Variants in SNX29 observed in about 807,000 individuals in gnomAD.
SNX29 encodes sorting nexin 29, also known as sorting nexin-29.
In SNX29, 78 loss-of-function variants were observed where a neutral mutation model predicts 102.1. The observed-to-expected ratio is 0.76, with a 90% confidence interval of 0.64 to 0.92. SNX29 has a LOEUF of 0.92. Ranked by LOEUF, SNX29 falls within the 40% of genes least tolerant of loss-of-function variation. The pLI, the probability that SNX29 is intolerant of heterozygous loss-of-function variation, is 0.00. For missense variants in SNX29, 1,280 were observed against 1,061.7 expected (o/e 1.21, Z -2.86); for synonymous variants, 580 against 414.5 (o/e 1.40, Z -4.85).
intron 20 of SNX29, among the ~76,000 whole-genome samples, chr16:12,553,947 C>A (rs2078157862): frequency 6.6e-6 from 1 of 152,182 alleles, no homozygotes; most frequent in Non-Finnish European, 1.5e-5. Context: ...CCTGCCTCAG[C>A]CACCCAAGTA....
chr16:12,481,615 A>C (rs960383415), intron 19 of SNX29, among the ~76,000 whole-genome samples: 2 of 150,926 alleles, frequency 1.3e-5, no homozygotes, highest in African/African-American at 4.9e-5. Context: ...CCTCACAGCA[A>C]CCTCCGTCTC....
At chr16:12,560,215 C>G (rs542660181) in intron 20 of SNX29, among the ~76,000 whole-genome samples, 1 of 145,566 alleles carries the variant, frequency 6.9e-6, no homozygotes, top group East Asian at 2.0e-4. Context: ...AGAGCAACTA[C>G]ACAGCCAGAG....
intron 9 of SNX29, among the ~76,000 whole-genome samples, chr16:12,066,879 T>A (rs1029727294): frequency 6.6e-6 from 1 of 151,928 alleles, no homozygotes; most frequent in Admixed American, 6.6e-5. Flanking sequence ...CATTGAGTTT[T>A]ACATGCGTTA....
chr16:12,224,627 A>G (rs924621149), intron 14 of SNX29, among the ~76,000 whole-genome samples: 1 of 152,212 alleles, frequency 6.6e-6, no homozygotes, highest in African/African-American at 2.4e-5. Flanking sequence ...GAGATGGCCA[A>G]AGCTCACTGA....
chr16:12,506,117 C>T (rs1224459896), intron 19 of SNX29, among the ~76,000 whole-genome samples: 1 of 152,176 alleles, frequency 6.6e-6, no homozygotes, highest in African/African-American at 2.4e-5. Context: ...TGTGCCAGCA[C>T]ACCTGGCTAG....
intron 15 of SNX29, among the ~76,000 whole-genome samples, chr16:12,323,587 G>T (rs1337145504): frequency 3.3e-5 from 5 of 151,932 alleles, no homozygotes; most frequent in African/African-American, 1.2e-4. Flanking sequence ...GAAAGACTGA[G>T]AAGGCATGAG....
intron 1 of SNX29, among the ~76,000 whole-genome samples, chr16:11,982,436 T>TG (rs2055441070): frequency 6.7e-6 from 1 of 150,216 alleles, no homozygotes; most frequent in Non-Finnish European, 1.5e-5. Context: ...TTTTTTTTTT[T>TG]TTTTTTGTTT....
At chr16:12,553,499 G>A (rs921356925) in intron 20 of SNX29, among the ~76,000 whole-genome samples, 4 of 152,176 alleles carry the variant, frequency 2.6e-5, no homozygotes, top group African/African-American at 7.2e-5. Context: ...CAGGGCAGGT[G>A]CACACTTGCC....
chr16:12,429,903 C>T (rs2085242658), intron 18 of SNX29, among the ~76,000 whole-genome samples: 1 of 152,180 alleles, frequency 6.6e-6, no homozygotes, highest in South Asian at 2.1e-4. Context: ...TGTTTTCTTG[C>T]TCTCTGACCA....
chr16:12,217,662 C>T (rs1406763182), intron 14 of SNX29, among the ~76,000 whole-genome samples: 1 of 152,088 alleles, frequency 6.6e-6, no homozygotes, highest in African/African-American at 2.4e-5. Flanking sequence ...TGCTTATTTC[C>T]CCTGTAAATC....
intron 18 of SNX29, among the ~76,000 whole-genome samples, chr16:12,415,591 C>A (rs1413567108): frequency 6.6e-6 from 1 of 152,202 alleles, no homozygotes; most frequent in Admixed American, 6.5e-5. Flanking sequence ...CTATGCCAGG[C>A]CCAGCGTCTG....
intron 20 of SNX29, among the ~76,000 whole-genome samples, chr16:12,565,247 A>T (rs954157672): frequency 3.3e-5 from 5 of 152,194 alleles, no homozygotes; most frequent in African/African-American, 1.2e-4. Context: ...CAATCTATAA[A>T]GATGGCAGTT....
intron 14 of SNX29, among the ~76,000 whole-genome samples, chr16:12,249,141 T>G (rs2078347742): frequency 6.6e-6 from 1 of 152,184 alleles, no homozygotes; most frequent in Admixed American, 6.5e-5. Flanking sequence ...GTGTGATGAT[T>G]GAGGCAGCTG....
At chr16:12,371,456 C>G (rs2082679381) in intron 16 of SNX29, among the ~76,000 whole-genome samples, 1 of 152,144 alleles carries the variant, frequency 6.6e-6, no homozygotes, top group Admixed American at 6.5e-5. Context: ...TACCACCATG[C>G]CTGGCTAATT....
chr16:12,022,895 CTTT>C (rs34712388), intron 3 of SNX29, among the ~76,000 whole-genome samples: 8 of 124,122 alleles, frequency 6.4e-5, no homozygotes, highest in Non-Finnish European at 8.7e-5. Flanking sequence ...TACCTTATTC[CTTT>C]TTTTTTTTTT....
In SNX29 at chr16:12,066,974, G is replaced by T. The variant is rs561143600; in HGVS notation, c.1244-2083G>T. Among the ~76,000 whole-genome samples the T allele has an allele frequency of 6.1e-3, 887 of 146,466 alleles. 10 individuals carry two copies. The highest frequency in any genetic ancestry group is 0.022 in the African/African-American group (846 of 38,810). On this transcript the variant is annotated intron_variant, in intron 9 of 20. Transcript: ENST00000566228. The stretch of plus-strand genomic sequence containing the variant: ...GGTCTGGGCAACATAGTGAGACCGT[G>T]TCTCTAAAATAAATAAATAAATAAA...
chr16:12,563,762 C>T lies in SNX29; in HGVS notation c.2319-4744C>T, dbSNP rs150079148. ...CTTTACCCAACAGCCACAACTTCTC[C>T]ACCCTTGTCTGCCGACCTGTCTGAA... On this transcript the variant is annotated intron_variant, in intron 20 of 20. Transcript: ENST00000566228. Among the ~76,000 whole-genome samples, 31 of 152,340 alleles carry T rather than the reference C, an allele frequency of 2.0e-4. No homozygotes were observed. In the East Asian group the frequency reaches 5.4e-3, roughly 27 times the overall value.
chr16:12,426,980 T>G (rs762217346), intron 18 of SNX29, among the ~76,000 whole-genome samples: 2 of 152,208 alleles, frequency 1.3e-5, no homozygotes, highest in African/African-American at 2.4e-5. Flanking sequence ...ATTGTAGATC[T>G]AATATGTCAG....
At chr16:12,469,318 C>G (rs1210719032) in intron 18 of SNX29, among the ~76,000 whole-genome samples, 1 of 152,234 alleles carries the variant, frequency 6.6e-6, no homozygotes, top group East Asian at 1.9e-4. Context: ...GCATTTTGTT[C>G]TAGCAGTGAG....
Sources: allele counts gnomAD v4.1 joint callset (sites outside exome capture counted in the v4.1 genomes callset), GRCh38; gene constraint gnomAD v4.1.1; transcripts MANE v1.5; gene names NCBI Gene and HGNC (gene_info 2026-07-23, HGNC 2026-07-21).